LTBP2: variants seen among roughly 807,000 people sequenced by gnomAD.
LTBP2 encodes latent transforming growth factor beta binding protein 2, also known as latent-transforming growth factor beta-binding protein 2.
In LTBP2, 103 loss-of-function variants were observed where a neutral mutation model predicts 210.6. The observed-to-expected ratio is 0.49, with a 90% CI of 0.42 to 0.58. The LOEUF is 0.58. Ranked by LOEUF, LTBP2 falls within the 20% of genes least tolerant of loss-of-function variation. The probability of loss-of-function intolerance (pLI) is 0.00; values close to 1 mark genes in which losing one functional copy is unlikely to be tolerated. For synonymous variants in LTBP2, 1,007 were observed against 1,015.0 expected (o/e 0.99, Z 0.15); for missense variants, 2,313 against 2,494.5 (o/e 0.93, Z 1.55).
In LTBP2 at chr14:74,543,247, G is replaced by A. The variant is rs959501655; in HGVS notation, c.1789+6616C>T. 3.3e-5 allele frequency among the ~76,000 whole-genome samples: 5 copies of A among 151,678 alleles called. No individual in the cohort carries two copies. In the South Asian group the frequency reaches 6.2e-4, roughly 19 times the overall value. Reference sequence around the variant, plus strand: ...CAAAAAATTAGCTGGGTGTGATGGCGGGCACCTGTAGTCCCAGCTACTTGG... The same window carrying A: ...CAAAAAATTAGCTGGGTGTGATGGCAGGCACCTGTAGTCCCAGCTACTTGG... On this transcript the variant is annotated intron_variant, in intron 8 of 35. Transcript: ENST00000261978.
rs539816401 is a variant in LTBP2 at position 74,516,554 on chromosome 14, A to G, written c.2908+268T>C. On this transcript the variant is annotated intron_variant, in intron 18 of 35. Transcript: ENST00000261978. ...CACATTTTTCAAGGCAACAGGGCGG[A>G]GGTTACAGAGGAGATGTTCCTAAGG... 1.2e-4 allele frequency among the ~76,000 whole-genome samples: 19 copies of G among 152,234 alleles called. No homozygotes were observed. The South Asian group carries it at 3.9e-3, about 32-fold the overall frequency.
chr14:74,561,957 C>T (rs910588427), intron 3 of LTBP2, among the ~76,000 whole-genome samples: 1 of 152,302 alleles, frequency 6.6e-6, no homozygotes, highest in African/African-American at 2.4e-5. Context: ...AGCCTGTAAT[C>T]TCAGCACTTT....
At chr14:74,571,020 C>T (rs1483965528) in intron 3 of LTBP2, among the ~76,000 whole-genome samples, 1 of 151,436 alleles carries the variant, frequency 6.6e-6, no homozygotes, top group Non-Finnish European at 1.5e-5. Flanking sequence ...CCAAATAAAC[C>T]ACTTTTCTTT....
intron 6 of LTBP2, 88 bp downstream of exon 6, chr14:74,552,099 C>T (rs2139747385): frequency 7.8e-7 from 1 of 1,279,422 alleles, no homozygotes; most frequent in Non-Finnish European, 1.1e-6. Context: ...CAGGCAGCTT[C>T]CCTATCCCTG....
chr14:74,567,331 G>A (rs147886837), intron 3 of LTBP2, among the ~76,000 whole-genome samples: 60 of 152,272 alleles, frequency 3.9e-4, no homozygotes, highest in Middle Eastern at 3.4e-3. Context: ...TAGGCTGCCG[G>A]GCTGCCAAGC....
chr14:74,595,636 G>A (rs1436136597), intron 2 of LTBP2, among the ~76,000 whole-genome samples: 1 of 152,164 alleles, frequency 6.6e-6, no homozygotes, highest in Non-Finnish European at 1.5e-5. Flanking sequence ...GGAAGGATGA[G>A]AACACCACCC....
chr14:74,509,585 C>T, intron 21 of LTBP2, 149 bp downstream of exon 21: 3 of 1,251,694 alleles, frequency 2.4e-6, no homozygotes, highest in Non-Finnish European at 3.4e-6. Context: ...AATAGAAGCT[C>T]TTGTTGGGGC....
chr14:74,582,173 C>T (rs912158757), intron 3 of LTBP2, among the ~76,000 whole-genome samples: 1 of 151,918 alleles, frequency 6.6e-6, no homozygotes, highest in East Asian at 1.9e-4. Flanking sequence ...CCTCTAGGTC[C>T]TCAGGTCTAG....
intron 4 of LTBP2, among the ~76,000 whole-genome samples, chr14:74,553,351 G>A (rs1169016657): frequency 6.6e-6 from 1 of 152,110 alleles, no homozygotes; most frequent in Non-Finnish European, 1.5e-5. Flanking sequence ...CTATGGCTGA[G>A]TGTTGGTATT....
chr14:74,531,684 C>T (rs932515982), intron 10 of LTBP2, among the ~76,000 whole-genome samples: 2 of 152,256 alleles, frequency 1.3e-5, no homozygotes, highest in Non-Finnish European at 2.9e-5. Flanking sequence ...CTCTGCTGAG[C>T]TGGGCGTGGC....
intron 18 of LTBP2, among the ~76,000 whole-genome samples, chr14:74,516,141 A>C (rs902510787): frequency 6.6e-6 from 1 of 152,010 alleles, no homozygotes; most frequent in African/African-American, 2.4e-5. Flanking sequence ...ATTTACCCTC[A>C]TTTCTTCCTG....
chr14:74,540,869 A>ATATATATT (rs2087495396), intron 8 of LTBP2, among the ~76,000 whole-genome samples: 1 of 71,422 alleles, frequency 1.4e-5, no homozygotes, highest in South Asian at 4.2e-4. Flanking sequence ...ATATATATTT[A>ATATATATT]TATATATAAT....
chr14:74,591,549 C>A (rs868324074), intron 2 of LTBP2, among the ~76,000 whole-genome samples: 9 of 152,180 alleles, frequency 5.9e-5, no homozygotes, highest in Admixed American at 2.0e-4. Context: ...AGGTTTAGAA[C>A]CAGCTCTCGC....
Position 74,500,887 on chromosome 14 carries a change from C to G in LTBP2, c.5463G>C (p.Glu1821Asp), listed in dbSNP as rs759816098. The change falls in exon 36 of 36, where the codon GAG (glutamate) becomes GAC (aspartate). Residue 1821 changes from glutamate (E) to aspartate (D), a missense_variant. By Grantham distance (45) the Glu-to-Asp change is conservative. Coordinates refer to ENST00000261978, the MANE Select transcript of LTBP2 (RefSeq NM_000428.3). ...EAGPPHCTAK[E>D] ...TTGCCACACTGACCCCTGACTGCTA[C>G]TCCTTGGCAGTGCAGTGGGGGGGCC... The G allele has an allele frequency of 3.1e-6, 5 of 1,613,940 alleles. No individual in the cohort carries two copies. The highest frequency in any genetic ancestry group is 4.2e-6 in the Non-Finnish European group (5 of 1,180,028).
At chr14:74,559,018 G>C (rs904875055) in intron 3 of LTBP2, among the ~76,000 whole-genome samples, 3 of 152,192 alleles carry the variant, frequency 2.0e-5, no homozygotes, top group African/African-American at 7.2e-5. Flanking sequence ...GACGAGAACA[G>C]TGAGACCATG....
Position 74,611,591 on chromosome 14 carries a change from AGGTGGCT to A in LTBP2, c.347_353del (p.Gln116LeufsTer162). ...GGGGAGTGCTTCTCCGGGTCTGCGC[AGGTGGCT>A]GGACACGCCGCGACTGCTGCGCGCG... On this transcript the variant is annotated frameshift_variant, in exon 1 of 36. Transcript: ENST00000261978. LOFTEE classifies it high-confidence loss of function. 2 of 1,574,098 alleles carry A rather than the reference AGGTGGCT, an allele frequency of 1.3e-6. No homozygotes were observed. The highest frequency in any genetic ancestry group is 1.7e-6 in the Non-Finnish European group (2 of 1,166,434).
intron 2 of LTBP2, among the ~76,000 whole-genome samples, chr14:74,592,957 C>T (rs994621838): frequency 7.2e-5 from 11 of 152,150 alleles, no homozygotes; most frequent in African/African-American, 2.7e-4. Context: ...TTTTCCACAC[C>T]CCCCTGGCCC....
intron 3 of LTBP2, among the ~76,000 whole-genome samples, chr14:74,575,656 C>A (rs1427467608): frequency 6.6e-6 from 1 of 152,214 alleles, no homozygotes; most frequent in Non-Finnish European, 1.5e-5. Context: ...CTGGGGCTGG[C>A]AGAGGTTGAG....
At chr14:74,517,030 A>G (rs1389766432) in intron 17 of LTBP2, 89 bp from the exon 18 acceptor site, 1 of 1,491,612 alleles carries the variant, frequency 6.7e-7, no homozygotes, top group Non-Finnish European at 9.1e-7. Flanking sequence ...TCTAGAGGCC[A>G]AGGACAAAGG....
Sources: allele counts gnomAD v4.1 joint callset (sites outside exome capture counted in the v4.1 genomes callset), GRCh38; gene constraint gnomAD v4.1.1; transcripts MANE v1.5; gene names NCBI Gene and HGNC (gene_info 2026-07-23, HGNC 2026-07-21).